FHIT: variants seen among roughly 807,000 people sequenced by gnomAD.
The protein encoded by FHIT is fragile histidine triad diadenosine triphosphatase, also known as bis(5'-adenosyl)-triphosphatase.
Under a neutral mutation model 17.9 loss-of-function variants are expected in FHIT, and 19 were observed. The observed-to-expected ratio is 1.06, with a 90% CI of 0.74 to 1.56. The LOEUF is 1.56. Among genes scored for constraint, FHIT ranks in the 40% most tolerant of loss-of-function variants. The probability of loss-of-function intolerance (pLI) is 0.00; values close to 1 mark genes in which losing one functional copy is unlikely to be tolerated. For synonymous variants in FHIT, 81 were observed against 69.7 expected, an observed-to-expected ratio of 1.16 and a Z score of -0.81; for missense variants, 248 against 189.2, an observed-to-expected ratio of 1.31 and a Z score of -1.82.
chr3:61,167,767 G>T (rs1247463754), intron 2 of FHIT, among the ~76,000 whole-genome samples: 1 of 151,990 alleles, frequency 6.6e-6, no homozygotes, highest in Non-Finnish European at 1.5e-5. Flanking sequence ...GGAACAGGGA[G>T]AAAGAAAACA....
chr3:61,057,683 CG>C (rs1364020784), intron 2 of FHIT, among the ~76,000 whole-genome samples: 1 of 152,034 alleles, frequency 6.6e-6, no homozygotes, highest in Non-Finnish European at 1.5e-5. Context: ...AAGTATGTGG[CG>C]GGGGAGAGAG....
chr3:59,877,927 G>A (rs955122754), intron 8 of FHIT, among the ~76,000 whole-genome samples: 2 of 152,176 alleles, frequency 1.3e-5, no homozygotes, highest in Non-Finnish European at 2.9e-5. Context: ...CTCAGACCTG[G>A]ACAAAATGTT....
chr3:59,967,906 T>C (rs1024274257), intron 7 of FHIT, among the ~76,000 whole-genome samples: 1 of 151,860 alleles, frequency 6.6e-6, no homozygotes, highest in Non-Finnish European at 1.5e-5. Flanking sequence ...AGAAAAGATA[T>C]CTTAGAAAAT....
At position 59,748,641 on chromosome 3, in the gene FHIT, C is replaced by G. The variant is rs561559022; in HGVS notation, c.*944G>C. Among the ~76,000 whole-genome samples, 1 of 151,930 alleles carries G rather than the reference C, an allele frequency of 6.6e-6. No homozygotes were observed. The highest frequency in any genetic ancestry group is 1.9e-4 in the East Asian group (1 of 5,148). On this transcript the variant is annotated 3_prime_UTR_variant, in exon 10 of 10. Transcript: ENST00000492590. ...GGCTAAGAAGACTATTTGGAGGGTA[C>G]AAGGGGAGATGGGACAGGGAGAAGG... is the stretch of plus-strand genomic sequence containing the variant.
At chr3:60,526,221 C>G (rs143309747) in intron 5 of FHIT, among the ~76,000 whole-genome samples, 1 of 152,070 alleles carries the variant, frequency 6.6e-6, no homozygotes, top group Admixed American at 6.6e-5. Context: ...CTGGGAGCCT[C>G]TGCAAATACG....
intron 4 of FHIT, among the ~76,000 whole-genome samples, chr3:60,556,238 C>G (rs570361938): frequency 6.0e-4 from 92 of 152,278 alleles, no homozygotes; most frequent in African/African-American, 2.1e-3. Context: ...ACAAAAGAGG[C>G]TAGACAAATG....
chr3:59,797,645 C>T (rs575611948), intron 8 of FHIT, among the ~76,000 whole-genome samples: 11 of 151,984 alleles, frequency 7.2e-5, no homozygotes, highest in South Asian at 2.1e-4. Flanking sequence ...TCCTCCATGC[C>T]GATATTATAT....
intron 4 of FHIT, among the ~76,000 whole-genome samples, chr3:60,658,503 C>G (rs894223432): frequency 6.6e-6 from 1 of 151,932 alleles, no homozygotes; most frequent in Non-Finnish European, 1.5e-5. Flanking sequence ...CTAAAGTTAT[C>G]GATTCTAATT....
intron 5 of FHIT, among the ~76,000 whole-genome samples, chr3:60,196,191 T>C (rs1410563118): frequency 6.6e-6 from 1 of 152,178 alleles, no homozygotes; most frequent in Non-Finnish European, 1.5e-5. Context: ...AAGTCTGAAA[T>C]GGCTGTCACT....
At chr3:59,908,772 G>C (rs1429255565) in intron 8 of FHIT, among the ~76,000 whole-genome samples, 1 of 114,260 alleles carries the variant, frequency 8.8e-6, no homozygotes, top group African/African-American at 2.9e-5. Flanking sequence ...GCAAAACCTG[G>C]CCCAGGGCTG....
Position 60,401,802 on chromosome 3 carries a change from G to C in FHIT, c.103+135058C>G, listed in dbSNP as rs570146510. 1.4e-4 allele frequency among the ~76,000 whole-genome samples: 21 copies of C among 152,274 alleles called. No individual in the cohort carries two copies. In the South Asian group the frequency reaches 4.4e-3, roughly 32 times the overall value. ...TGGACAGAAAAGATAAAAGGAAATA[G>C]AGTAAATTTCAAATGAGTCTTGAAA... On this transcript the variant is annotated intron_variant, in intron 5 of 9. Transcript: ENST00000492590.
intron 3 of FHIT, among the ~76,000 whole-genome samples, chr3:60,848,219 T>A (rs1387872664): frequency 6.6e-6 from 1 of 152,214 alleles, no homozygotes; most frequent in East Asian, 1.9e-4. Context: ...AAGTTGAAAC[T>A]CTTTTATTTC....
chr3:60,430,386 T>A (rs1702839145), intron 5 of FHIT, among the ~76,000 whole-genome samples: 1 of 152,020 alleles, frequency 6.6e-6, no homozygotes, highest in Admixed American at 6.6e-5. Context: ...GAAACCCACT[T>A]CTGACTTCCA....
chr3:61,051,143 A>C (rs1297170264), intron 2 of FHIT, among the ~76,000 whole-genome samples: 6 of 152,338 alleles, frequency 3.9e-5, no homozygotes, highest in Non-Finnish European at 8.8e-5. Context: ...AAATCTATGA[A>C]GAAAGAGACC....
At position 60,114,488 on chromosome 3, in the gene FHIT, C is replaced by CTTTTTTTTT. The variant is rs145618938; in HGVS notation, c.104-100337_104-100336insAAAAAAAAA. 6.9e-3 allele frequency among the ~76,000 whole-genome samples: 412 copies of CTTTTTTTTT among 59,456 alleles called. 76 individuals are homozygous for CTTTTTTTTT. The highest frequency in any genetic ancestry group is 9.0e-3 in the Non-Finnish European group (311 of 34,404). 39.0% of individuals were successfully genotyped at this position (59,456 alleles called of 152,430 possible). ...TAAAATAAGGAAGAACAAGAGAAAT[C>CTTTTTTTTT]CTTTTTTTTTTTTTTTTTTTTTTTT... On this transcript the variant is annotated intron_variant, in intron 5 of 9. Transcript: ENST00000492590.
chr3:60,322,897 A>G (rs1384772714), intron 5 of FHIT, among the ~76,000 whole-genome samples: 1 of 152,234 alleles, frequency 6.6e-6, no homozygotes, highest in African/African-American at 2.4e-5. Flanking sequence ...TTATGAAAAA[A>G]ATACAATGTT....
At chr3:60,905,406 T>C (rs931639920) in intron 3 of FHIT, among the ~76,000 whole-genome samples, 2 of 152,210 alleles carry the variant, frequency 1.3e-5, no homozygotes, top group Non-Finnish European at 2.9e-5. Flanking sequence ...TAACAAACTA[T>C]GTGTCTATTT....
At chr3:60,630,632 G>A (rs1435268310) in intron 4 of FHIT, among the ~76,000 whole-genome samples, 2 of 152,044 alleles carry the variant, frequency 1.3e-5, no homozygotes, top group Admixed American at 1.3e-4. Flanking sequence ...CCTACTATGT[G>A]AGCCTTACGC....
chr3:61,239,761 C>CTATA lies in FHIT; in HGVS notation c.-213+11539_-213+11540insTATA, dbSNP rs1491311135. ...TAAAACTGCAAAGAAAAACAACTGGCCATATATATATATATATATATATAC... is the reference window on the plus strand; with the variant it reads ...TAAAACTGCAAAGAAAAACAACTGGCTATACATATATATATATATATATATATAC... On this transcript the variant is annotated intron_variant, in intron 1 of 9. Coordinates refer to ENST00000492590, the MANE Select transcript of FHIT (RefSeq NM_002012.4). Among the ~76,000 whole-genome samples the CTATA allele has an allele frequency of 2.2e-3, 141 of 63,164 alleles. 8 individuals are homozygous for CTATA. The South Asian group carries it at 0.061, about 27-fold the overall frequency. 41.4% of individuals were successfully genotyped at this position (63,164 alleles called of 152,430 possible). A position where few individuals can be genotyped will look rare whatever the true frequency, so the allele number is the denominator to read the frequency against.
Sources: allele counts gnomAD v4.1 joint callset (sites outside exome capture counted in the v4.1 genomes callset), GRCh38; gene constraint gnomAD v4.1.1; transcripts MANE v1.5; gene names NCBI Gene and HGNC (gene_info 2026-07-23, HGNC 2026-07-21).